RWDD2A: variants seen among roughly 807,000 people sequenced by gnomAD.
RWDD2A encodes the protein RWD domain-containing protein 2A.
A neutral mutation model predicts 23.1 loss-of-function variants in RWDD2A; 15 were observed. The ratio of observed to expected loss-of-function variants is 0.65; its 90% CI spans 0.43 to 1.00. RWDD2A has a LOEUF of 1.00. Among genes scored for constraint, RWDD2A ranks in the 50% least tolerant of loss-of-function variants. The pLI, the probability that RWDD2A is intolerant of heterozygous loss-of-function variation, is 0.00. For synonymous variants in RWDD2A, 103 were observed against 123.0 expected (o/e 0.84, Z 1.08); for missense variants, 310 against 341.7 (o/e 0.91, Z 0.73).
At position 83,195,780 on chromosome 6, in the gene RWDD2A, C is replaced by G. The variant is rs1789563140; in HGVS notation, c.387C>G (p.Asp129Glu). 1 of 1,614,150 alleles carries G rather than the reference C, an allele frequency of 6.2e-7. No individual in the cohort carries two copies. ...CVCAAIQWLQDNSASYFLNRK... is the reference protein window; with the variant it reads ...CVCAAIQWLQENSASYFLNRK... ...GTGCAGCAATCCAGTGGCTACAGGACAACAGTGCATCTTATTTCCTGAACA... is the reference window on the plus strand; with the variant it reads ...GTGCAGCAATCCAGTGGCTACAGGAGAACAGTGCATCTTATTTCCTGAACA... The change falls in exon 3 of 3, where the codon GAC (aspartate) becomes GAG (glutamate). Residue 129 changes from aspartate to glutamate, a missense_variant. Transcript: ENST00000369724.
Position 83,197,751 on chromosome 6 carries a change from C to A in RWDD2A, c.*1479C>A, listed in dbSNP as rs770103863. 3 of 152,332 alleles carry A rather than the reference C, an allele frequency of 2.0e-5. No homozygotes were observed. Among genetic ancestry groups the A allele is most frequent in the Admixed American group, 1.3e-4 (2 of 15,274 alleles). 9.4% of individuals were successfully genotyped at this position (152,332 alleles called of 1,614,324 possible). On this transcript the variant is annotated 3_prime_UTR_variant, in exon 3 of 3. Transcript: ENST00000369724. ...TACCATCTGGTTTTACCCTCTGTGC[C>A]GTGGATGCAGACGTGTCCTTGGGCT...
rs948372697 is a variant in RWDD2A, at chr6:83,194,460, T to C, written c.9T>C (p.Ala3=). MS[A]SVKESLQLQL... is the part of the protein sequence containing the mutation. ...GCTGATTGCGAGGCAACATGTCTGC[T>C]TCGGTGAAAGAAAGCCTTCAGCTTC... The change falls in exon 2 of 3, where the codon GCT becomes GCC. Residue 3 remains alanine, a synonymous_variant. Coordinates refer to ENST00000369724, the MANE Select transcript of RWDD2A (RefSeq NM_033411.5). 6.2e-7 allele frequency: 1 copy of C among 1,613,724 alleles called. No homozygotes were observed. Among genetic ancestry groups the C allele is most frequent in the Non-Finnish European group, 8.5e-7 (1 of 1,179,936 alleles).
chr6:83,196,085 G>A lies in RWDD2A; in HGVS notation c.692G>A (p.Gly231Glu). Reference protein sequence around the residue: ...CKHAESVETEGNGEDLRLFHS... With the variant: ...CKHAESVETEENGEDLRLFHS... The stretch of plus-strand genomic sequence containing the variant: ...CATGCTGAAAGCGTGGAGACAGAAG[G>A]AAATGGTGAGGACCTGCGCCTTTTC... The change falls in exon 3 of 3, where the codon GGA (glycine) becomes GAA (glutamate). Residue 231 changes from glycine (G) to glutamate (E), a missense_variant. Gly to Glu is a moderately conservative substitution (Grantham distance 98). Coordinates refer to ENST00000369724, the MANE Select transcript of RWDD2A (RefSeq NM_033411.5). 6.2e-7 allele frequency: 1 copy of A among 1,613,666 alleles called. No individual in the cohort carries two copies. The highest frequency in any genetic ancestry group is 1.1e-5 in the South Asian group (1 of 90,972).
At position 83,197,967 on chromosome 6, in the gene RWDD2A, A is replaced by G. The variant is rs936940784; in HGVS notation, c.*1695A>G. 1 of 152,286 alleles carries G rather than the reference A, an allele frequency of 6.6e-6. No homozygotes were observed. The highest frequency in any genetic ancestry group is 6.5e-5 in the Admixed American group (1 of 15,288). 9.4% of individuals were successfully genotyped at this position (152,286 alleles called of 1,614,324 possible). ...AGCTTGCCATTCATGTTTCCATCCT[A>G]GCCTTGGTTGTGCTGGAACTCAGGC... On this transcript the variant is annotated 3_prime_UTR_variant, in exon 3 of 3. Coordinates refer to ENST00000369724, the MANE Select transcript of RWDD2A (RefSeq NM_033411.5).
At chr6:83,194,276 TAAAG>T (rs1019663796) in intron 1 of RWDD2A, 32 bp from the exon 2 acceptor site, 7 of 591,114 alleles carry the variant, frequency 1.2e-5, no homozygotes, top group African/African-American at 7.6e-5. Flanking sequence ...AGTCAGGAAA[TAAAG>T]AAGAGTGCAA....
chr6:83,195,627 C>T lies in RWDD2A; in HGVS notation c.234C>T (p.His78=). 1.2e-6 allele frequency: 2 copies of T among 1,613,780 alleles called. No homozygotes were observed. The highest frequency in any genetic ancestry group is 2.7e-5 in the African/African-American group (2 of 75,044). ...VKIDLQVTMP[H]SYPYVALQLF... The stretch of plus-strand genomic sequence containing the variant: ...TTGATTTGCAAGTGACCATGCCTCA[C>T]AGCTACCCCTATGTAGCATTGCAGC... The change falls in exon 3 of 3, where the codon CAC becomes CAT. Residue 78 remains histidine (H), a synonymous_variant. Coordinates refer to ENST00000369724, the MANE Select transcript of RWDD2A (RefSeq NM_033411.5).
chr6:83,195,706 G>A lies in RWDD2A; in HGVS notation c.313G>A (p.Gly105Ser). The A allele has an allele frequency of 6.2e-7, 1 of 1,614,166 alleles. No homozygotes were observed. The highest frequency in any genetic ancestry group is 8.5e-7 in the Non-Finnish European group (1 of 1,180,046). Residue 105 changes from glycine (G) to serine (S), a missense_variant, in exon 3 of 3, where the codon GGT becomes AGT. Transcript: ENST00000369724. ...ACATCAGCAGCTACTTCTCAACAAA[G>A]GTCTCACTTCTTACATAGGGACTTT... ...DRHQQLLLNK[G>S]LTSYIGTFDP...
At chr6:83,194,694 T>A in intron 2 of RWDD2A, 42 bp downstream of exon 2, 1 of 1,394,612 alleles carries the variant, frequency 7.2e-7, no homozygotes, top group Non-Finnish European at 1.0e-6. Context: ...GCCCAGTTTT[T>A]AATTGAAACA....
Position 83,194,416 on chromosome 6 carries a change from T to C in RWDD2A, c.-36T>C. 1.2e-6 allele frequency: 2 copies of C among 1,602,996 alleles called. No individual in the cohort carries two copies. Among genetic ancestry groups the C allele is most frequent in the South Asian group, 1.1e-5 (1 of 89,354 alleles). On this transcript the variant is annotated 5_prime_UTR_variant, in exon 2 of 3. Coordinates refer to ENST00000369724, the MANE Select transcript of RWDD2A (RefSeq NM_033411.5). ...TTGACAAACCCAGCGTCCCTGAGCC[T>C]TGTGAGGTTTCCAGGCAGGCTGATT...
Position 83,194,433 on chromosome 6 carries a change from A to C in RWDD2A, c.-19A>C, listed in dbSNP as rs1375232613. 7 of 1,610,872 alleles carry C rather than the reference A, an allele frequency of 4.3e-6. No homozygotes were observed. Among genetic ancestry groups the C allele is most frequent in the African/African-American group, 2.7e-5 (2 of 74,658 alleles). On this transcript the variant is annotated 5_prime_UTR_variant, in exon 2 of 3. Coordinates refer to ENST00000369724, the MANE Select transcript of RWDD2A (RefSeq NM_033411.5). ...CCTGAGCCTTGTGAGGTTTCCAGGC[A>C]GGCTGATTGCGAGGCAACATGTCTG...
rs1226363959 is a variant in RWDD2A at position 83,194,659 on chromosome 6, A to C, written c.201+7A>C. 1 of 1,610,808 alleles carries C rather than the reference A, an allele frequency of 6.2e-7. No individual in the cohort carries two copies. Among genetic ancestry groups the C allele is most frequent in the Non-Finnish European group, 8.5e-7 (1 of 1,178,304 alleles). ...CCAGATTGAAGAGCCCAAGGTAGGT[A>C]CCCTGATTTAAGTGTTTGCCAGGTG... is the stretch of plus-strand genomic sequence containing the variant. On this transcript the variant is annotated splice_region_variant and intron_variant, in intron 2 of 2. Transcript: ENST00000369724.
rs759658176 is a variant in RWDD2A, at chr6:83,195,820, G to A, written c.427G>A (p.Glu143Lys). The change falls in exon 3 of 3, where the codon GAA becomes AAA. Residue 143 changes from glutamate (E) to lysine (K), a missense_variant. Physicochemically the swap from Glu to Lys is moderately conservative, Grantham distance 56. Transcript: ENST00000369724. Reference protein sequence around the residue: ...SYFLNRKLVYEPSTQAKPVKN... With the variant: ...SYFLNRKLVYKPSTQAKPVKN... ...TTTCCTGAACAGAAAGCTTGTATAT[G>A]AACCATCTACACAAGCAAAGCCAGT... The A allele has an allele frequency of 6.2e-7, 1 of 1,613,904 alleles. No individual in the cohort carries two copies. Among genetic ancestry groups the A allele is most frequent in the Admixed American group, 1.7e-5 (1 of 59,988 alleles).
Position 83,196,507 on chromosome 6 carries a change from C to G in RWDD2A, c.*235C>G. 3.4e-6 allele frequency: 1 copy of G among 292,738 alleles called. No individual in the cohort carries two copies. The highest frequency in any genetic ancestry group is 6.2e-6 in the Non-Finnish European group (1 of 160,276). 18.1% of individuals were successfully genotyped at this position (292,738 alleles called of 1,614,324 possible). ...GTGTGAAGTCATTCAAAAACTATTT[C>G]ATTGTAAATTAATAAAAACAATCCA... On this transcript the variant is annotated 3_prime_UTR_variant, in exon 3 of 3. Transcript: ENST00000369724.
chr6:83,195,543 A>T (rs750895271), intron 2 of RWDD2A, 52 bp from the exon 3 acceptor site: 3 of 1,476,432 alleles, frequency 2.0e-6, no homozygotes, highest in Admixed American at 1.8e-5. Flanking sequence ...CTATTGATAA[A>T]CTAGCTTATG....
In RWDD2A at chr6:83,194,351, A is replaced by T; in HGVS notation, c.-101A>T. The stretch of plus-strand genomic sequence containing the variant: ...CGTTCCTGCAGAATTGCTTCCACGT[A>T]AAGGGACCTTCGGGAAATTTCGCTG... On this transcript the variant is annotated 5_prime_UTR_variant, in exon 2 of 3. Transcript: ENST00000369724. 1 of 1,022,632 alleles carries T rather than the reference A, an allele frequency of 9.8e-7. No individual in the cohort carries two copies. The highest frequency in any genetic ancestry group is 1.4e-6 in the Non-Finnish European group (1 of 701,070). The allele number at this position is 1,022,632 out of a possible 1,614,324, so 63.3% of individuals were successfully genotyped here.
At position 83,197,068 on chromosome 6, in the gene RWDD2A, T is replaced by C. The variant is rs940395639; in HGVS notation, c.*796T>C. ...CCTAATAGCAGTGGCAAAGGACTCA[T>C]AGACATGAAGTCCCACGAGTTAAAA... On this transcript the variant is annotated 3_prime_UTR_variant, in exon 3 of 3. Coordinates refer to ENST00000369724, the MANE Select transcript of RWDD2A (RefSeq NM_033411.5). The C allele has an allele frequency of 6.6e-6, 1 of 152,256 alleles. No homozygotes were observed. Among genetic ancestry groups the C allele is most frequent in the Non-Finnish European group, 1.5e-5 (1 of 68,042 alleles). The allele number at this position is 152,256 out of a possible 1,614,324, so 9.4% of individuals were successfully genotyped here.
intron 2 of RWDD2A, among the ~76,000 whole-genome samples, chr6:83,195,254 A>G (rs576900219): frequency 6.6e-6 from 1 of 152,166 alleles, no homozygotes; most frequent in South Asian, 2.1e-4. Flanking sequence ...CTTCAATGGA[A>G]CCCTCCACTT....
Position 83,196,207 on chromosome 6 carries a change from A to C in RWDD2A, c.814A>C (p.Lys272Gln), listed in dbSNP as rs763586584. Residue 272 changes from lysine to glutamine, a missense_variant, in exon 3 of 3, where the codon AAG becomes CAG. By Grantham distance (53) the Lys-to-Gln change is moderately conservative. Coordinates refer to ENST00000369724, the MANE Select transcript of RWDD2A (RefSeq NM_033411.5). Reference protein sequence around the residue: ...NLGQFLEFLKKHKSEHVFQIL... With the variant: ...NLGQFLEFLKQHKSEHVFQIL... ...GGGCCAATTCTTAGAATTTCTCAAGAAGCACAAAAGTGAGCATGTTTTTCA... is the reference window on the plus strand; with the variant it reads ...GGGCCAATTCTTAGAATTTCTCAAGCAGCACAAAAGTGAGCATGTTTTTCA... 3.1e-6 allele frequency: 5 copies of C among 1,604,450 alleles called. No homozygotes were observed. Among genetic ancestry groups the C allele is most frequent in the Non-Finnish European group, 4.2e-6 (5 of 1,176,812 alleles).
intron 1 of RWDD2A, chr6:83,193,869 C>T (rs180928956): frequency 0.017 from 2,633 of 153,874 alleles, 37 homozygotes; most frequent in Middle Eastern, 0.044. Context: ...TCGTAAACGT[C>T]CGGAGCCCTG....
Sources: gnomAD v4.1 joint callset for allele counts (sites outside exome capture counted in the v4.1 genomes callset) on GRCh38, gnomAD v4.1.1 for gene constraint, MANE v1.5 for transcripts, NCBI Gene and HGNC (gene_info 2026-07-23, HGNC 2026-07-21) for gene names.